Variants in GPR158 observed in about 807,000 individuals in gnomAD.
The protein encoded by GPR158 is G protein-coupled receptor 158, also known as metabotropic glycine receptor.
GPR158 carries 30 observed loss-of-function variants against 78.2 expected under a neutral mutation model. That is an observed-to-expected ratio of 0.38 (90% confidence interval 0.29 to 0.52). The LOEUF (loss-of-function observed/expected upper bound fraction) is 0.52. GPR158 is among the 20% of genes least tolerant of loss of function. The pLI is 0.83. For missense variants in GPR158, 1,463 were observed against 1,523.5 expected (o/e 0.96, Z 0.66); for synonymous variants, 581 against 591.1 (o/e 0.98, Z 0.25).
At chr10:25,552,811 G>A (rs952561235) in intron 6 of GPR158, among the ~76,000 whole-genome samples, 11 of 152,208 alleles carry the variant, frequency 7.2e-5, no homozygotes, top group African/African-American at 1.4e-4. Flanking sequence ...ACTGTGGTCT[G>A]CGAGAGTATG....
intron 2 of GPR158, among the ~76,000 whole-genome samples, chr10:25,343,114 G>C (rs1855327442): frequency 1.3e-5 from 2 of 151,984 alleles, no homozygotes; most frequent in Admixed American, 1.3e-4. Flanking sequence ...ATGAGCTTAA[G>C]ATGTCTTATA....
At chr10:25,282,437 A>C (rs934239149) in intron 2 of GPR158, among the ~76,000 whole-genome samples, 15 of 152,276 alleles carry the variant, frequency 9.9e-5, no homozygotes, top group African/African-American at 3.1e-4. Flanking sequence ...ATTTATAAAT[A>C]TTCATGTACA....
intron 4 of GPR158, among the ~76,000 whole-genome samples, chr10:25,434,729 A>G (rs970129993): frequency 1.3e-5 from 2 of 152,212 alleles, no homozygotes; most frequent in Non-Finnish European, 1.5e-5. Context: ...GTTAAAGTCC[A>G]TCTATCTAGG....
chr10:25,593,090 G>A (rs1040202791), intron 8 of GPR158, among the ~76,000 whole-genome samples: 1 of 151,786 alleles, frequency 6.6e-6, no homozygotes, highest in African/African-American at 2.4e-5. Flanking sequence ...GTGAGCTATT[G>A]TGATGAGTGC....
chr10:25,458,821 T>A (rs905695217), intron 4 of GPR158, among the ~76,000 whole-genome samples: 1 of 152,248 alleles, frequency 6.6e-6, no homozygotes, highest in Non-Finnish European at 1.5e-5. Context: ...TACATTTTAC[T>A]TTGGGAGTCT....
chr10:25,439,348 T>G (rs1835038331), intron 4 of GPR158, among the ~76,000 whole-genome samples: 1 of 152,144 alleles, frequency 6.6e-6, no homozygotes, highest in Admixed American at 6.5e-5. Flanking sequence ...GAGAACAGTG[T>G]GGGGGAAGCC....
chr10:25,296,161 C>A (rs1158703534), intron 2 of GPR158, among the ~76,000 whole-genome samples: 1 of 152,000 alleles, frequency 6.6e-6, no homozygotes, highest in Admixed American at 6.6e-5. Flanking sequence ...GACTTACTCT[C>A]ACCTCGAGGC....
At chr10:25,333,325 C>T (rs966019560) in intron 2 of GPR158, among the ~76,000 whole-genome samples, 4 of 152,182 alleles carry the variant, frequency 2.6e-5, no homozygotes, top group Non-Finnish European at 4.4e-5. Context: ...TTAAATGGCA[C>T]GATAGTTTGA....
At position 25,449,409 on chromosome 10, in the gene GPR158, G is replaced by A. The variant is rs151188763; in HGVS notation, c.1336-17242G>A. On this transcript the variant is annotated intron_variant, in intron 4 of 10. Transcript: ENST00000376351. ...AAGACTTGGGTGTTTGTTTATGGTA[G>A]AAGTTCTTTCTGCTAAGGAAGTGAT... Among the ~76,000 whole-genome samples the A allele has an allele frequency of 4.1e-3, 622 of 152,326 alleles. 4 individuals are homozygous for A. Among genetic ancestry groups the A allele is most frequent in the African/African-American group, 0.014 (592 of 41,576 alleles).
chr10:25,412,522 T>C (rs529276891), intron 4 of GPR158, 49 bp downstream of exon 4: 1 of 1,283,294 alleles, frequency 7.8e-7, no homozygotes, highest in South Asian at 1.2e-5. Flanking sequence ...AGCAACCTCT[T>C]ATCTTTTTAA....
At chr10:25,244,781 T>C (rs556756447) in intron 2 of GPR158, 9 of 152,286 alleles carry the variant, frequency 5.9e-5, no homozygotes, top group African/African-American at 1.7e-4. Context: ...TGAAGAAGTT[T>C]TGATACTCCT....
In GPR158 at chr10:25,205,227, A is replaced by G. The variant is rs935754920; in HGVS notation, c.903-15825A>G. Among the ~76,000 whole-genome samples the G allele has an allele frequency of 1.1e-4, 17 of 151,678 alleles. 1 individual carries two copies. Among genetic ancestry groups the G allele is most frequent in the East Asian group, 5.8e-4 (3 of 5,166 alleles). Reference sequence around the variant, plus strand: ...TTTATCAGCAGCATGAAAATGGACTAATACAGTCCCCTTTGTCATTTCTAA... The same window carrying G: ...TTTATCAGCAGCATGAAAATGGACTGATACAGTCCCCTTTGTCATTTCTAA... On this transcript the variant is annotated intron_variant, in intron 1 of 10. Transcript: ENST00000376351.
At chr10:25,326,110 CT>C (rs1359782058) in intron 2 of GPR158, among the ~76,000 whole-genome samples, 19 of 152,136 alleles carry the variant, frequency 1.2e-4, no homozygotes, top group African/African-American at 2.9e-4. Context: ...CTCCCTCCCC[CT>C]AACAGGCTTC....
At chr10:25,481,449 A>G (rs1281349507) in intron 5 of GPR158, among the ~76,000 whole-genome samples, 1 of 152,198 alleles carries the variant, frequency 6.6e-6, no homozygotes, top group African/African-American at 2.4e-5. Flanking sequence ...TTAAGGAACT[A>G]GGAGAGGTCA....
chr10:25,455,391 A>C (rs1178013842), intron 4 of GPR158, among the ~76,000 whole-genome samples: 1 of 152,112 alleles, frequency 6.6e-6, no homozygotes, highest in Admixed American at 6.5e-5. Flanking sequence ...TTATATTATA[A>C]AACTTTTTTT....
At chr10:25,356,407 T>A (rs993249120) in intron 2 of GPR158, among the ~76,000 whole-genome samples, 35 of 152,066 alleles carry the variant, frequency 2.3e-4, no homozygotes, top group African/African-American at 8.2e-4. Flanking sequence ...TTTTTTTTGT[T>A]GACTTATTGG....
At chr10:25,181,302 A>G (rs1382985892) in intron 1 of GPR158, among the ~76,000 whole-genome samples, 1 of 152,208 alleles carries the variant, frequency 6.6e-6, no homozygotes, top group East Asian at 1.9e-4. Flanking sequence ...CTCCTTTGAA[A>G]TTCTGTAAAA....
chr10:25,241,259 C>CTTCCTTTCT (rs1853612227), intron 2 of GPR158, among the ~76,000 whole-genome samples: 1 of 98,310 alleles, frequency 1.0e-5, no homozygotes, highest in Admixed American at 1.1e-4. Flanking sequence ...CCTTTCTTTC[C>CTTCCTTTCT]TTTCTTTCTT....
At chr10:25,417,352 A>G (rs1834677727) in intron 4 of GPR158, among the ~76,000 whole-genome samples, 1 of 152,094 alleles carries the variant, frequency 6.6e-6, no homozygotes, top group African/African-American at 2.4e-5. Flanking sequence ...GTACTTTTAG[A>G]GTGTCTAGAT....
Sources: gnomAD v4.1 joint callset for allele counts (sites outside exome capture counted in the v4.1 genomes callset) on GRCh38, gnomAD v4.1.1 for gene constraint, MANE v1.5 for transcripts, NCBI Gene and HGNC (gene_info 2026-07-23, HGNC 2026-07-21) for gene names.